Variants in NCKAP5 observed in about 807,000 individuals in gnomAD.
NCKAP5 encodes the protein NCK associated protein 5, also known as nck-associated protein 5.
In NCKAP5, 92 loss-of-function variants were observed where a neutral mutation model predicts 167.0. The observed-to-expected ratio is 0.55, with a 90% CI of 0.47 to 0.66. The LOEUF is 0.66. Ranked by LOEUF, NCKAP5 falls within the 30% of genes least tolerant of loss-of-function variation. The probability of loss-of-function intolerance (pLI) is 0.00; values close to 1 mark genes in which losing one functional copy is unlikely to be tolerated. For missense variants in NCKAP5, 2,378 were observed against 2,315.0 expected, an observed-to-expected ratio of 1.03 and a Z score of -0.56; for synonymous variants, 891 against 877.4, an observed-to-expected ratio of 1.02 and a Z score of -0.27.
chr2:133,567,282 G>C (rs931912523), intron 1 of NCKAP5, among the ~76,000 whole-genome samples: 3 of 152,200 alleles, frequency 2.0e-5, no homozygotes, highest in African/African-American at 7.2e-5. Context: ...TTTTTCACTG[G>C]GCTCTTAAGC....
At chr2:132,795,558 T>C (rs4953991) in intron 12 of NCKAP5, among the ~76,000 whole-genome samples, 96,687 of 151,964 alleles carry the variant, frequency 0.64, 32,019 homozygotes, top group East Asian at 0.9. Context: ...CAGTGGCTCA[T>C]GCCTGTAATC....
chr2:133,134,182 T>C (rs1452671570), intron 5 of NCKAP5, among the ~76,000 whole-genome samples: 2 of 152,228 alleles, frequency 1.3e-5, no homozygotes, highest in Non-Finnish European at 2.9e-5. Context: ...CATCCACATG[T>C]GGTGTTTACA....
intron 3 of NCKAP5, among the ~76,000 whole-genome samples, chr2:133,477,392 G>A (rs527241904): frequency 7.4e-4 from 112 of 152,246 alleles, no homozygotes; most frequent in African/African-American, 2.6e-3. Flanking sequence ...TGAACATTCT[G>A]CTCTATCTGC....
chr2:133,384,724 T>C (rs557699209), intron 3 of NCKAP5, among the ~76,000 whole-genome samples: 1 of 152,342 alleles, frequency 6.6e-6, no homozygotes, highest in South Asian at 2.1e-4. Context: ...TGTCCTCTTT[T>C]ATTTCATTGA....
chr2:132,985,489 C>A (rs2077262903), intron 7 of NCKAP5, among the ~76,000 whole-genome samples: 1 of 152,144 alleles, frequency 6.6e-6, no homozygotes, highest in Non-Finnish European at 1.5e-5. Flanking sequence ...GGAAATATTT[C>A]TGTAGGATGT....
intron 8 of NCKAP5, among the ~76,000 whole-genome samples, chr2:132,963,313 ATC>A (rs1224332243): frequency 6.6e-6 from 1 of 152,076 alleles, no homozygotes; most frequent in African/African-American, 2.4e-5. Context: ...TGCTTATAAA[ATC>A]TCTGTGTGTG....
At chr2:133,566,534 C>G (rs1380889591) in intron 1 of NCKAP5, among the ~76,000 whole-genome samples, 1 of 152,216 alleles carries the variant, frequency 6.6e-6, no homozygotes, top group African/African-American at 2.4e-5. Flanking sequence ...AATGTTCTCT[C>G]TTTGCCAGAC....
At chr2:133,074,943 G>A (rs1003371122) in intron 6 of NCKAP5, among the ~76,000 whole-genome samples, 5 of 151,968 alleles carry the variant, frequency 3.3e-5, no homozygotes, top group East Asian at 1.9e-4. Context: ...AATGATAGCC[G>A]AATACCTTCC....
chr2:133,208,772 C>T (rs1354273026), intron 5 of NCKAP5, among the ~76,000 whole-genome samples: 1 of 152,102 alleles, frequency 6.6e-6, no homozygotes, highest in Non-Finnish European at 1.5e-5. Context: ...TACACAAAAA[C>T]ACTCTAGACT....
At chr2:133,352,713 A>G (rs567614761) in intron 3 of NCKAP5, among the ~76,000 whole-genome samples, 1 of 152,340 alleles carries the variant, frequency 6.6e-6, no homozygotes, top group African/African-American at 2.4e-5. Context: ...TGCTCTGCCC[A>G]GGTGGGCCTG....
At chr2:133,024,448 CAT>C (rs1479866397) in intron 6 of NCKAP5, among the ~76,000 whole-genome samples, 3 of 152,136 alleles carry the variant, frequency 2.0e-5, no homozygotes, top group African/African-American at 4.8e-5. Flanking sequence ...AATAAGCAAA[CAT>C]AAACTATGGC....
intron 3 of NCKAP5, among the ~76,000 whole-genome samples, chr2:133,423,178 T>C (rs1289357788): frequency 3.3e-5 from 5 of 152,232 alleles, no homozygotes; most frequent in Non-Finnish European, 5.9e-5. Flanking sequence ...TGCAATATTT[T>C]ACTACAAGGT....
At chr2:133,160,734 T>C (rs1228954183) in intron 5 of NCKAP5, among the ~76,000 whole-genome samples, 1 of 152,164 alleles carries the variant, frequency 6.6e-6, no homozygotes, top group African/African-American at 2.4e-5. Context: ...TTCCTGCTAC[T>C]TACTACCCTT....
intron 8 of NCKAP5, among the ~76,000 whole-genome samples, chr2:132,944,869 A>G (rs1326666592): frequency 6.6e-6 from 1 of 152,154 alleles, no homozygotes; most frequent in Non-Finnish European, 1.5e-5. Context: ...CTTTCCTGGA[A>G]CCAAGAGGAT....
At chr2:132,735,881 GT>G (rs1691461582) in intron 16 of NCKAP5, among the ~76,000 whole-genome samples, 1 of 152,148 alleles carries the variant, frequency 6.6e-6, no homozygotes, top group Non-Finnish European at 1.5e-5. Context: ...AATGTTGAAG[GT>G]GGTCTAAGTC....
chr2:133,666,788 CA>C, the NCKAP5 span, among the ~76,000 whole-genome samples: 1 of 151,918 alleles, frequency 6.6e-6, no homozygotes, highest in African/African-American at 2.4e-5. Context: ...CACAAATTGG[CA>C]CTCCACCATC....
rs374281268 is a variant in NCKAP5 at position 132,751,732 on chromosome 2, C to A, written c.5129-19681G>T. ...TTACTGAAGTGAAAGCAGGTCCCTG[C>A]ATGTGTCTCTAGGGTGTTGCTTTCT... On this transcript the variant is annotated intron_variant, in intron 16 of 19. Coordinates refer to ENST00000409261, the MANE Select transcript of NCKAP5 (RefSeq NM_207363.3). Among the ~76,000 whole-genome samples, 4 of 152,308 alleles carry A rather than the reference C, an allele frequency of 2.6e-5. No homozygotes were observed. In the East Asian group the frequency reaches 7.7e-4, roughly 29 times the overall value.
intron 19 of NCKAP5, among the ~76,000 whole-genome samples, chr2:132,683,364 G>T (rs1432267409): frequency 2.6e-5 from 4 of 152,158 alleles, no homozygotes; most frequent in South Asian, 2.1e-4. Flanking sequence ...TTGGATTAAT[G>T]GAGGTCTGAC....
intron 3 of NCKAP5, among the ~76,000 whole-genome samples, chr2:133,305,049 G>T (rs1468461365): frequency 6.6e-6 from 1 of 152,172 alleles, no homozygotes; most frequent in Non-Finnish European, 1.5e-5. Flanking sequence ...ATATACAAAG[G>T]TCCTGAAATG....
Sources: gnomAD v4.1 joint callset for allele counts (sites outside exome capture counted in the v4.1 genomes callset) on GRCh38, gnomAD v4.1.1 for gene constraint, MANE v1.5 for transcripts, NCBI Gene and HGNC (gene_info 2026-07-23, HGNC 2026-07-21) for gene names.